The following AK6 variants were observed in gnomAD, a reference collection of about 807,000 sequenced individuals.
AK6 encodes adenylate kinase 6, also known as adenylate kinase isoenzyme 6.
Under a neutral mutation model 23.7 loss-of-function variants are expected in AK6, and 24 were observed. The observed-to-expected ratio is 1.01, with a 90% CI of 0.73 to 1.43. The LOEUF (loss-of-function observed/expected upper bound fraction) is 1.43, where lower values mean the gene tolerates loss of function less well. Ranked by LOEUF, AK6 falls within the 40% of genes most tolerant of loss-of-function variation. The pLI, the probability that AK6 is intolerant of heterozygous loss-of-function variation, is 0.00. For missense variants in AK6, 191 were observed against 199.1 expected, an observed-to-expected ratio of 0.96 and a Z score of 0.24; for synonymous variants, 73 against 69.8, an observed-to-expected ratio of 1.05 and a Z score of -0.23.
rs200123392 is a variant in AK6, at chr5:69,369,226, A to ACCCCCCCCCCCCCCCCCCCC, written c.28+236_28+237insGGGGGGGGGGGGGGGGGGGG. On this transcript the variant is annotated intron_variant, in intron 1 of 4. Transcript: ENST00000380822. ...GAGCTGGATCTGCCGACCTCTCTCC[A>ACCCCCCCCCCCCCCCCCCCC]CCCCCCCCCGCCCCCCCCCGGAGCC... 23 of 124,554 alleles carry ACCCCCCCCCCCCCCCCCCCC rather than the reference A, an allele frequency of 1.8e-4. 8 individuals carry two copies. In the South Asian group the frequency reaches 2.2e-3, roughly 12 times the overall value. 7.7% of individuals were successfully genotyped at this position (124,554 alleles called of 1,614,324 possible). A position where few individuals can be genotyped will look rare whatever the true frequency, so the allele number is the denominator to read the frequency against.
chr5:69,365,048 C>G, intron 2 of AK6: 1 of 1,614,176 alleles, frequency 6.2e-7, no homozygotes, highest in South Asian at 1.1e-5. Context: ...GTGATGACAT[C>G]ATATTAGTGG....
chr5:69,357,729 T>C (rs1762118855), intron 2 of AK6, among the ~76,000 whole-genome samples: 1 of 152,194 alleles, frequency 6.6e-6, no homozygotes, highest in Admixed American at 6.5e-5. Context: ...TCTATATTTA[T>C]GCCTGTTATA....
At chr5:69,353,701 A>G (rs1762010607) in intron 4 of AK6, among the ~76,000 whole-genome samples, 1 of 152,238 alleles carries the variant, frequency 6.6e-6, no homozygotes, top group East Asian at 1.9e-4. Context: ...CCATAAAACT[A>G]GAAAAAAACC....
At chr5:69,354,270 C>T (rs1762024623) in intron 4 of AK6, among the ~76,000 whole-genome samples, 1 of 152,044 alleles carries the variant, frequency 6.6e-6, no homozygotes, top group Non-Finnish European at 1.5e-5. Flanking sequence ...ACCATATAGT[C>T]TCTATTACTT....
intron 2 of AK6, chr5:69,364,726 T>G: frequency 1.6e-6 from 1 of 642,082 alleles, no homozygotes; most frequent in Admixed American, 2.6e-5. Context: ...AAAACATAAC[T>G]GCCAAAGCAC....
intron 2 of AK6, chr5:69,365,806 C>CCTG: frequency 7.7e-7 from 1 of 1,297,908 alleles, no homozygotes; most frequent in Non-Finnish European, 1.0e-6. Context: ...GAAATAGTTA[C>CCTG]TTTAGTAGCA....
At chr5:69,357,089 C>A (rs548387719) in intron 2 of AK6, among the ~76,000 whole-genome samples, 1 of 152,114 alleles carries the variant, frequency 6.6e-6, no homozygotes, top group Non-Finnish European at 1.5e-5. Context: ...TATTTTGGTA[C>A]GGGTTGAAAT....
intron 2 of AK6, among the ~76,000 whole-genome samples, chr5:69,359,876 CGAAAA>C (rs759129562): frequency 2.0e-5 from 3 of 151,960 alleles, no homozygotes; most frequent in Non-Finnish European, 4.4e-5. Context: ...GCTTTTTATG[CGAAAA>C]GAAAAGGGCA....
At position 69,360,071 on chromosome 5, in the gene AK6, A is replaced by G. The variant is rs560422178; in HGVS notation, c.122-4118T>C. 1.8e-4 allele frequency among the ~76,000 whole-genome samples: 27 copies of G among 152,318 alleles called. 1 individual carries two copies. The highest frequency in any genetic ancestry group is 1.7e-3 in the South Asian group (8 of 4,826). ...GCACTGAAGGGGACATAGGGGAGAG[A>G]ACGGCTGCAGGTAAACTGTGGCCAT... On this transcript the variant is annotated intron_variant, in intron 2 of 4. Transcript: ENST00000380822.
In AK6 at chr5:69,364,609, C is replaced by T. The variant is rs1409612483; in HGVS notation, c.121+1894G>A. 13 of 379,722 alleles carry T rather than the reference C, an allele frequency of 3.4e-5. No homozygotes were observed. In the East Asian group the frequency reaches 5.1e-4, roughly 15 times the overall value. The allele number at this position is 379,722 out of a possible 1,614,324, so 23.5% of individuals were successfully genotyped here. A position where few individuals can be genotyped will look rare whatever the true frequency, so the allele number is the denominator to read the frequency against. On this transcript the variant is annotated intron_variant, in intron 2 of 4. Coordinates refer to ENST00000380822, the MANE Select transcript of AK6 (RefSeq NM_016283.5). ...ATACTATGATCTATGTATCTGAAGA[C>T]GTTTAAGGTGACACTCTAGTGGTCA...
intron 2 of AK6, among the ~76,000 whole-genome samples, chr5:69,363,839 GC>G: frequency 6.6e-6 from 1 of 151,960 alleles, no homozygotes; most frequent in African/African-American, 2.4e-5. Context: ...TGTAATCCCA[GC>G]ACTCTGGGAG....
chr5:69,365,867 T>A lies in AK6; in HGVS notation c.121+636A>T, dbSNP rs568084120. The A allele has an allele frequency of 1.1e-4, 78 of 726,664 alleles. No homozygotes were observed. Among genetic ancestry groups the A allele is most frequent in the Admixed American group, 3.0e-4 (8 of 26,768 alleles). 45.0% of individuals were successfully genotyped at this position (726,664 alleles called of 1,614,324 possible). On this transcript the variant is annotated intron_variant, in intron 2 of 4. Transcript: ENST00000380822. ...AAATCTATGTTAAACTGTAAAAAAA[T>A]TTTTAAAATTTAAACCATATGTTTT...
Position 69,352,960 on chromosome 5 carries a change from T to A in AK6, c.327-707A>T, listed in dbSNP as rs541749159. 1.5e-3 allele frequency among the ~76,000 whole-genome samples: 223 copies of A among 152,336 alleles called. 1 individual carries two copies. The highest frequency in any genetic ancestry group is 2.3e-3 in the Non-Finnish European group (157 of 68,032). ...AAACATGTGCAAGAATGTTTATGGA[T>A]ACAATATTCATAACAGCCAAAAAGT... On this transcript the variant is annotated intron_variant, in intron 4 of 4. Coordinates refer to ENST00000380822, the MANE Select transcript of AK6 (RefSeq NM_016283.5).
At chr5:69,368,355 G>A (rs796911544) in intron 1 of AK6, among the ~76,000 whole-genome samples, 1 of 151,998 alleles carries the variant, frequency 6.6e-6, no homozygotes, top group Non-Finnish European at 1.5e-5. Context: ...AAGATAACAG[G>A]GATAATCCAG....
chr5:69,359,583 C>T (rs1477491823), intron 2 of AK6, among the ~76,000 whole-genome samples: 1 of 152,112 alleles, frequency 6.6e-6, no homozygotes, highest in Non-Finnish European at 1.5e-5. Flanking sequence ...CCTTAAAAAA[C>T]CTTCCCAGCT....
chr5:69,366,803 G>C (rs1762448911), intron 1 of AK6: 5 of 539,840 alleles, frequency 9.3e-6, no homozygotes, highest in Non-Finnish European at 1.7e-5. Context: ...TTGTCGCCCA[G>C]GCTGGAGTGC....
intron 2 of AK6, among the ~76,000 whole-genome samples, chr5:69,361,036 A>G (rs1021320759): frequency 1.3e-5 from 2 of 152,240 alleles, no homozygotes; most frequent in African/African-American, 2.4e-5. Flanking sequence ...TGCCAGGAAA[A>G]TTAAGGATGC....
At chr5:69,359,442 A>C (rs550454392) in intron 2 of AK6, among the ~76,000 whole-genome samples, 1 of 152,064 alleles carries the variant, frequency 6.6e-6, no homozygotes, top group Non-Finnish European at 1.5e-5. Context: ...ATGGGGTTTC[A>C]CCATGTTGGC....
chr5:69,360,199 T>C (rs56362385), intron 2 of AK6, among the ~76,000 whole-genome samples: 2,078 of 152,238 alleles, frequency 0.014, 60 homozygotes, highest in African/African-American at 0.048. Flanking sequence ...AATGATAGTG[T>C]AGAAGAGGGA....
Sources: gnomAD v4.1 joint callset for allele counts (sites outside exome capture counted in the v4.1 genomes callset) on GRCh38, gnomAD v4.1.1 for gene constraint, MANE v1.5 for transcripts, NCBI Gene and HGNC (gene_info 2026-07-23, HGNC 2026-07-21) for gene names.